Variants in NPHP4 observed in about 807,000 individuals in gnomAD.
The protein encoded by NPHP4 is nephrocystin 4.
NPHP4 carries 151 observed loss-of-function variants against 155.8 expected under a neutral mutation model. The ratio of observed to expected loss-of-function variants is 0.97; its 90% confidence interval spans 0.85 to 1.11. NPHP4 has a LOEUF of 1.11. Among genes scored for constraint, NPHP4 ranks in the 50% least tolerant of loss-of-function variants. The pLI is 0.00. For synonymous variants in NPHP4, 845 were observed against 816.8 expected, an observed-to-expected ratio of 1.03 and a Z score of -0.59; for missense variants, 1,956 against 1,925.7, an observed-to-expected ratio of 1.02 and a Z score of -0.29.
At chr1:5,904,924 G>T in intron 15 of NPHP4, 120 bp from the exon 16 acceptor site, 2 of 1,003,722 alleles carry the variant, frequency 2.0e-6, no homozygotes, top group Middle Eastern at 2.2e-4. Context: ...CAGTAAAGAG[G>T]CTGCCGTGGT....
intron 2 of NPHP4, among the ~76,000 whole-genome samples, chr1:5,985,481 A>AT (rs1349833004): frequency 6.6e-6 from 1 of 152,248 alleles, no homozygotes; most frequent in Non-Finnish European, 1.5e-5. Flanking sequence ...AGCTGCCAGA[A>AT]TGCCCGTAGC....
At chr1:5,969,906 T>A (rs1652256471) in intron 3 of NPHP4, among the ~76,000 whole-genome samples, 1 of 152,218 alleles carries the variant, frequency 6.6e-6, no homozygotes, top group Non-Finnish European at 1.5e-5. Flanking sequence ...AAAGTCTTTT[T>A]ATGCCGAAAA....
intron 6 of NPHP4, among the ~76,000 whole-genome samples, chr1:5,960,827 A>G (rs1650183664): frequency 6.6e-6 from 1 of 152,132 alleles, no homozygotes; most frequent in South Asian, 2.1e-4. Context: ...CAGAGAATCA[A>G]CTTCTGAAAA....
chr1:5,930,467 G>A (rs1646218059), intron 10 of NPHP4, among the ~76,000 whole-genome samples: 1 of 152,108 alleles, frequency 6.6e-6, no homozygotes, highest in African/African-American at 2.4e-5. Flanking sequence ...TACGAACTTT[G>A]ACATGTTGTA....
At chr1:5,886,133 C>T (rs1221757702) in intron 18 of NPHP4, among the ~76,000 whole-genome samples, 1 of 152,256 alleles carries the variant, frequency 6.6e-6, no homozygotes, top group African/African-American at 2.4e-5. Flanking sequence ...CCAACTCGGT[C>T]TCAGAGCAGA....
At chr1:5,897,115 G>A (rs562357507) in intron 16 of NPHP4, among the ~76,000 whole-genome samples, 4 of 152,266 alleles carry the variant, frequency 2.6e-5, no homozygotes, top group Middle Eastern at 3.4e-3. Context: ...ATCGCTTATC[G>A]GTAGGGAAAG....
At chr1:5,969,416 T>C (rs1006663085) in intron 3 of NPHP4, among the ~76,000 whole-genome samples, 157 bp from the exon 4 acceptor site, 2 of 151,824 alleles carry the variant, frequency 1.3e-5, no homozygotes, top group African/African-American at 4.8e-5. Flanking sequence ...CTCTGCAGGA[T>C]GCCAGGGAAG....
chr1:5,946,467 G>A (rs1025320447), intron 9 of NPHP4, among the ~76,000 whole-genome samples: 4 of 152,158 alleles, frequency 2.6e-5, no homozygotes, highest in South Asian at 4.1e-4. Context: ...AATAATTAGC[G>A]ATTCAATAAT....
chr1:5,990,524 G>A (rs1270749673), intron 1 of NPHP4, among the ~76,000 whole-genome samples: 1 of 151,948 alleles, frequency 6.6e-6, no homozygotes, highest in Non-Finnish European at 1.5e-5. Context: ...CACATTCTAT[G>A]GTTACTATTC....
Position 5,889,434 on chromosome 1 carries a change from CTA to C in NPHP4, c.2304+1432_2304+1433del, listed in dbSNP as rs2100895289. Among the ~76,000 whole-genome samples the C allele has an allele frequency of 6.6e-6, 1 of 152,302 alleles. No individual in the cohort carries two copies. Among genetic ancestry groups the C allele is most frequent in the African/African-American group, 2.4e-5 (1 of 41,570 alleles). On this transcript the variant is annotated intron_variant, in intron 17 of 29. Transcript: ENST00000378156. The surrounding 1 kb of genome is among the most constrained non-coding windows in gnomAD (Gnocchi z 4.2). Reference sequence around the variant, plus strand: ...AGCTTTAAATTTAATTTATTCAAGTCTATGTCAACAAGCGTAACGGCACTTGT... The same window carrying C: ...AGCTTTAAATTTAATTTATTCAAGTCTGTCAACAAGCGTAACGGCACTTGT...
Position 5,904,633 on chromosome 1 carries a change from A to G in NPHP4, c.2127T>C (p.Asp709=), listed in dbSNP as rs1644825196. Residue 709 remains aspartate (D), a synonymous_variant, in exon 16 of 30, where the codon GAT becomes GAC. Coordinates refer to ENST00000378156, the MANE Select transcript of NPHP4 (RefSeq NM_015102.5). The part of the protein sequence containing the change: ...LTHILVPVSR[D]GTFDAGSPGF... ...AGTACTCACCAGCATCAAAGGTGCC[A>G]TCTCTGCTCACAGGCACGAGGATGT... is the stretch of plus-strand genomic sequence containing the variant. 2 of 1,609,844 alleles carry G rather than the reference A, an allele frequency of 1.2e-6. No individual in the cohort carries two copies. Among genetic ancestry groups the G allele is most frequent in the Admixed American group, 3.3e-5 (2 of 59,916 alleles).
chr1:5,938,167 G>C lies in NPHP4; in HGVS notation c.1120-4838C>G, dbSNP rs558527482. Among the ~76,000 whole-genome samples the C allele has an allele frequency of 9.8e-5, 15 of 152,346 alleles. No homozygotes were observed. The East Asian group carries it at 2.7e-3, about 27-fold the overall frequency. On this transcript the variant is annotated intron_variant, in intron 9 of 29. Transcript: ENST00000378156. ...GGCACACAAGCGGCGGGTGGCTCCG[G>C]AACTCAGAGCTCAGGGCACGGGCTG...
intron 4 of NPHP4, 127 bp from the exon 5 acceptor site, chr1:5,967,490 C>CCTTCCGCAGA: frequency 2.7e-6 from 2 of 734,470 alleles, no homozygotes; most frequent in Non-Finnish European, 4.7e-6. Context: ...CCATCCTCTG[C>CCTTCCGCAGA]GGAAGGCAGA....
chr1:5,866,497 C>A (rs755599152), intron 25 of NPHP4, 39 bp from the exon 26 acceptor site: 5 of 1,250,050 alleles, frequency 4.0e-6, no homozygotes, highest in Non-Finnish European at 5.8e-6. Context: ...GCACACAGTG[C>A]TCTGCCGACC....
At chr1:5,950,025 T>C (rs1647661630) in intron 7 of NPHP4, among the ~76,000 whole-genome samples, 1 of 152,304 alleles carries the variant, frequency 6.6e-6, no homozygotes, top group South Asian at 2.1e-4. Flanking sequence ...TGGCCTCTCC[T>C]GTGGCAGCCA....
intron 21 of NPHP4, 54 bp from the exon 22 acceptor site, chr1:5,874,711 G>A: frequency 6.4e-7 from 1 of 1,574,124 alleles, no homozygotes; most frequent in South Asian, 1.1e-5. Context: ...AGGACCCACA[G>A]GAGGCTGCGG....
rs534894415 is a variant in NPHP4, at chr1:5,914,568, T to C, written c.1442-5355A>G. 3.3e-5 allele frequency among the ~76,000 whole-genome samples: 5 copies of C among 152,348 alleles called. No individual in the cohort carries two copies. In the South Asian group the frequency reaches 6.2e-4, roughly 19 times the overall value. On this transcript the variant is annotated intron_variant, in intron 11 of 29. Coordinates refer to ENST00000378156, the MANE Select transcript of NPHP4 (RefSeq NM_015102.5). The stretch of plus-strand genomic sequence containing the variant: ...CATAACTTTTCAATATGCATGCGCA[T>C]TGCCAATTAAAAAGTGAAAATAGAA...
intron 5 of NPHP4, among the ~76,000 whole-genome samples, chr1:5,962,960 C>T (rs1650634615): frequency 6.6e-6 from 1 of 152,202 alleles, no homozygotes; most frequent in Admixed American, 6.5e-5. Flanking sequence ...CACCACATCC[C>T]GAGGCACAGG....
intron 11 of NPHP4, among the ~76,000 whole-genome samples, chr1:5,912,980 G>A (rs965875316): frequency 4.3e-4 from 66 of 152,148 alleles, no homozygotes; most frequent in Non-Finnish European, 6.5e-4. Context: ...GTGAAGCCCC[G>A]TCTCTACTAA....
Sources: allele counts gnomAD v4.1 joint callset (sites outside exome capture counted in the v4.1 genomes callset), GRCh38; gene constraint gnomAD v4.1.1; non-coding constraint Gnocchi (gnomAD v3.1); transcripts MANE v1.5; gene names NCBI Gene and HGNC (gene_info 2026-07-23, HGNC 2026-07-21).